HHAT: variants seen among roughly 807,000 people sequenced by gnomAD.
HHAT encodes protein-cysteine N-palmitoyltransferase HHAT.
A neutral mutation model predicts 70.8 loss-of-function variants in HHAT; 47 were observed. That is an observed-to-expected ratio of 0.66 (90% CI 0.53 to 0.85). The LOEUF is 0.85. Ranked by LOEUF, HHAT falls within the 40% of genes least tolerant of loss-of-function variation. The probability of loss-of-function intolerance (pLI) is 0.00; values close to 1 mark genes in which losing one functional copy is unlikely to be tolerated. For missense variants in HHAT, 609 were observed against 604.8 expected (o/e 1.01, Z -0.07); for synonymous variants, 228 against 247.6 (o/e 0.92, Z 0.74).
At chr1:210,331,164 T>G (rs1295885819) in intron 1 of HHAT, among the ~76,000 whole-genome samples, 1 of 152,114 alleles carries the variant, frequency 6.6e-6, no homozygotes, top group Non-Finnish European at 1.5e-5. Context: ...CTATTATTAT[T>G]ACATTGTAAT....
chr1:210,674,314 C>T lies in HHAT; in HGVS notation c.1417C>T (p.Leu473=), dbSNP rs1308090271. ...QGWPWVTLSV[L]GFLYCYSHVG... is the part of the protein sequence containing the mutation. The stretch of plus-strand genomic sequence containing the variant: ...CTGGCCTTGGGTGACCCTCTCTGTC[C>T]TGGGATTCCTGTACTGCTACTCCCA... Residue 473 remains leucine, a synonymous_variant, in exon 12 of 12, where the codon CTG becomes TTG. Transcript: ENST00000261458. 3.7e-6 allele frequency: 6 copies of T among 1,614,144 alleles called. No homozygotes were observed. The South Asian group carries it at 6.6e-5, about 18-fold the overall frequency.
chr1:210,464,862 A>T (rs1558571483), intron 8 of HHAT, among the ~76,000 whole-genome samples: 2 of 150,382 alleles, frequency 1.3e-5, no homozygotes, highest in Non-Finnish European at 3.0e-5. Flanking sequence ...TAGATAGGTG[A>T]GATAAGAAAG....
chr1:210,405,695 A>G (rs1194851767), intron 6 of HHAT, among the ~76,000 whole-genome samples: 1 of 152,140 alleles, frequency 6.6e-6, no homozygotes, highest in Non-Finnish European at 1.5e-5. Flanking sequence ...TCAAGAATAT[A>G]TTTTTGCATT....
chr1:210,511,790 T>TC (rs1308247273), intron 8 of HHAT, among the ~76,000 whole-genome samples: 1 of 73,488 alleles, frequency 1.4e-5, no homozygotes, highest in Non-Finnish European at 3.0e-5. Context: ...CTTTTTTTTT[T>TC]TTTTTTTTTT....
intron 10 of HHAT, among the ~76,000 whole-genome samples, chr1:210,610,379 T>C (rs113031521): frequency 0.28 from 42,995 of 152,056 alleles, 7,618 homozygotes; most frequent in East Asian, 0.65. Flanking sequence ...GTTTTTCTCT[T>C]GTAGATTTAT....
chr1:210,639,099 C>T (rs937132101), intron 11 of HHAT, among the ~76,000 whole-genome samples: 3 of 151,976 alleles, frequency 2.0e-5, no homozygotes, highest in Non-Finnish European at 4.4e-5. Flanking sequence ...CTATCTGCTC[C>T]GTCCATCTGT....
intron 2 of HHAT, among the ~76,000 whole-genome samples, chr1:210,353,053 A>C (rs2087205457): frequency 1.3e-5 from 2 of 151,312 alleles, no homozygotes; most frequent in Admixed American, 1.3e-4. Flanking sequence ...CTTCTGTCTT[A>C]GCCTCCTGAG....
intron 3 of HHAT, among the ~76,000 whole-genome samples, chr1:210,371,390 T>A (rs1024939171): frequency 6.6e-6 from 1 of 152,164 alleles, no homozygotes; most frequent in Admixed American, 6.5e-5. Flanking sequence ...CCTCAAGTGA[T>A]CCACCTGCCT....
intron 11 of HHAT, among the ~76,000 whole-genome samples, chr1:210,649,198 C>T (rs1326999626): frequency 1.3e-5 from 2 of 152,208 alleles, no homozygotes; most frequent in East Asian, 1.9e-4. Flanking sequence ...TGGCTGTCTT[C>T]AGATGGTGTT....
intron 4 of HHAT, among the ~76,000 whole-genome samples, chr1:210,390,672 G>C (rs1024608038): frequency 1.5e-4 from 23 of 152,012 alleles, no homozygotes; most frequent in Admixed American, 3.3e-4. Flanking sequence ...TCCCTCCAAA[G>C]CCCCAAAGTC....
intron 3 of HHAT, chr1:210,374,252 G>C (rs373426800): frequency 3.3e-4 from 45 of 136,506 alleles, no homozygotes; most frequent in African/African-American, 1.0e-3. Context: ...TATTCGATCT[G>C]AAGAGAAACC....
chr1:210,618,679 C>T (rs1460390512), intron 10 of HHAT, among the ~76,000 whole-genome samples: 4 of 152,208 alleles, frequency 2.6e-5, no homozygotes, highest in African/African-American at 7.2e-5. Context: ...GCCTCCAGCC[C>T]GACTGTGTCA....
chr1:210,454,993 A>G (rs1055450528), intron 7 of HHAT, among the ~76,000 whole-genome samples: 2 of 152,246 alleles, frequency 1.3e-5, no homozygotes, highest in Non-Finnish European at 2.9e-5. Flanking sequence ...ATGGTTGCCC[A>G]GTGTAGAGCC....
intron 11 of HHAT, among the ~76,000 whole-genome samples, chr1:210,625,290 A>G (rs892863856): frequency 1.3e-5 from 2 of 152,242 alleles, no homozygotes; most frequent in Non-Finnish European, 2.9e-5. Flanking sequence ...CTCCTCTCAC[A>G]GAACCTAGCA....
intron 2 of HHAT, among the ~76,000 whole-genome samples, chr1:210,355,810 C>G (rs2087549526): frequency 6.6e-6 from 1 of 152,178 alleles, no homozygotes; most frequent in South Asian, 2.1e-4. Flanking sequence ...TTTGTCTAGG[C>G]ATGAAATCTC....
chr1:210,607,858 A>T (rs887075267), intron 10 of HHAT, among the ~76,000 whole-genome samples: 9 of 151,948 alleles, frequency 5.9e-5, no homozygotes, highest in Non-Finnish European at 1.2e-4. Flanking sequence ...TAACAACCAC[A>T]CCCTGCTCAT....
At position 210,362,905 on chromosome 1, in the gene HHAT, G is replaced by A. The variant is rs141591165; in HGVS notation, c.145G>A (p.Gly49Arg). Reference protein sequence around the residue: ...EFELETDTLFGGLKKDATDFE... With the variant: ...EFELETDTLFRGLKKDATDFE... ...TGAGCTGGAGACTGACACTTTATTT[G>A]GAGGATTAAAGAAGGTACAAAGTGG... Residue 49 changes from glycine to arginine, a missense_variant, in exon 3 of 12, where the codon GGA (glycine) becomes AGA (arginine). Coordinates refer to ENST00000261458, the MANE Select transcript of HHAT (RefSeq NM_018194.6). The A allele has an allele frequency of 6.7e-4, 1,086 of 1,612,592 alleles. 2 individuals carry two copies. Among genetic ancestry groups the A allele is most frequent in the Middle Eastern group, 1.6e-3 (10 of 6,062 alleles).
chr1:210,587,946 ACT>A lies in HHAT; in HGVS notation c.1093_1094del (p.Leu365ValfsTer86), dbSNP rs1464282450. The A allele has an allele frequency of 3.1e-6, 5 of 1,614,144 alleles. No homozygotes were observed. The Admixed American group carries it at 5.0e-5, about 16-fold the overall frequency. On this transcript the variant is annotated frameshift_variant, in exon 10 of 12. Coordinates refer to ENST00000261458, the MANE Select transcript of HHAT (RefSeq NM_018194.6). LOFTEE classifies it high-confidence loss of function. ...GGSQHGLLGT[L>X]FSTAMTFAFV... ...GGTCCCAGCATGGCCTGCTGGGGAC[ACT>A]GTTTTCCACGGCGATGACATTTGCA...
intron 8 of HHAT, among the ~76,000 whole-genome samples, chr1:210,505,143 C>T (rs1478517793): frequency 6.6e-6 from 1 of 152,140 alleles, no homozygotes; most frequent in Non-Finnish European, 1.5e-5. Flanking sequence ...AGGTGATACA[C>T]CCGCCTCGGC....
Sources: allele counts gnomAD v4.1 joint callset (sites outside exome capture counted in the v4.1 genomes callset), GRCh38; gene constraint gnomAD v4.1.1; transcripts MANE v1.5; gene names NCBI Gene and HGNC (gene_info 2026-07-23, HGNC 2026-07-21).